Variants in FHIP1A observed in about 807,000 individuals in gnomAD.
FHIP1A encodes FHF complex subunit HOOK-interacting protein 1A.
A neutral mutation model predicts 88.6 loss-of-function variants in FHIP1A; 61 were observed. The observed-to-expected ratio is 0.69, with a 90% CI of 0.56 to 0.85. The LOEUF (loss-of-function observed/expected upper bound fraction) is 0.85. Ranked by LOEUF, FHIP1A falls within the 40% of genes least tolerant of loss-of-function variation. FHIP1A has a pLI of 0.00. For synonymous variants in FHIP1A, 478 were observed against 496.0 expected (o/e 0.96, Z 0.48); for missense variants, 1,154 against 1,273.5 (o/e 0.91, Z 1.43).
Position 151,644,767 on chromosome 4 carries a change from C to G in FHIP1A, c.1227-1791C>G, listed in dbSNP as rs534736848. Among the ~76,000 whole-genome samples the G allele has an allele frequency of 2.5e-3, 382 of 152,282 alleles. 1 individual carries two copies. The highest frequency in any genetic ancestry group is 2.7e-3 in the Non-Finnish European group (183 of 68,010). On this transcript the variant is annotated intron_variant, in intron 9 of 13. Transcript: ENST00000435205. ...ATCCCTTTTGTTGCTGCTGCCTTCC[C>G]TTCCCACCCCTCAACCTGCTGCCCC...
At chr4:151,440,348 T>G (rs974255667) in intron 1 of FHIP1A, among the ~76,000 whole-genome samples, 1 of 152,204 alleles carries the variant, frequency 6.6e-6, no homozygotes, top group African/African-American at 2.4e-5. Flanking sequence ...GTCTTTGTCT[T>G]TTTTGTTCAG....
At chr4:151,526,820 G>A (rs62329069) in intron 3 of FHIP1A, among the ~76,000 whole-genome samples, 73,944 of 148,670 alleles carry the variant, frequency 0.5, 18,521 homozygotes, top group Non-Finnish European at 0.55. Context: ...GGCGGTTGCC[G>A]GGCAGAGGGT....
At chr4:151,493,088 A>G (rs1730342634) in intron 3 of FHIP1A, among the ~76,000 whole-genome samples, 1 of 152,220 alleles carries the variant, frequency 6.6e-6, no homozygotes, top group South Asian at 2.1e-4. Flanking sequence ...CATTAGATTA[A>G]CCAAGAAAAG....
chr4:151,649,395 A>AC, intron 10 of FHIP1A, 64 bp from the exon 11 acceptor site: 2 of 1,244,602 alleles, frequency 1.6e-6, no homozygotes, highest in Non-Finnish European at 2.2e-6. Context: ...ATGGGTCACA[A>AC]CCCCATCCAC....
At chr4:151,572,519 C>G (rs1002652403) in intron 4 of FHIP1A, among the ~76,000 whole-genome samples, 2 of 152,116 alleles carry the variant, frequency 1.3e-5, no homozygotes, top group Non-Finnish European at 2.9e-5. Flanking sequence ...AACAGATGCA[C>G]AAGGAACACT....
intron 8 of FHIP1A, among the ~76,000 whole-genome samples, chr4:151,632,728 C>G (rs1033335493): frequency 1.3e-5 from 2 of 151,942 alleles, no homozygotes; most frequent in African/African-American, 4.8e-5. Context: ...ACAACACATT[C>G]TTGGGCCAAA....
intron 3 of FHIP1A, among the ~76,000 whole-genome samples, chr4:151,509,770 T>TGA (rs1271194846): frequency 6.6e-6 from 1 of 151,496 alleles, no homozygotes; most frequent in African/African-American, 2.4e-5. Context: ...TGTGTGTGTG[T>TGA]GTGTGTGTGT....
intron 3 of FHIP1A, among the ~76,000 whole-genome samples, chr4:151,560,908 C>G (rs543731401): frequency 6.6e-6 from 1 of 152,138 alleles, no homozygotes; most frequent in East Asian, 1.9e-4. Context: ...TATAATTGAT[C>G]TACTTAGTTT....
chr4:151,517,203 C>CA (rs937785258), intron 3 of FHIP1A, among the ~76,000 whole-genome samples: 2 of 150,650 alleles, frequency 1.3e-5, no homozygotes, highest in African/African-American at 2.5e-5. Context: ...ATCGCAAGAA[C>CA]AAAAAACCAA....
intron 1 of FHIP1A, among the ~76,000 whole-genome samples, chr4:151,450,626 TC>T (rs1310987197): frequency 2.1e-4 from 32 of 152,222 alleles, no homozygotes; most frequent in African/African-American, 7.7e-4. Context: ...AGGCCAATAC[TC>T]TGATAGGCCA....
chr4:151,562,476 A>G (rs1417695721), intron 3 of FHIP1A, among the ~76,000 whole-genome samples: 3 of 152,008 alleles, frequency 2.0e-5, no homozygotes, highest in African/African-American at 2.4e-5. Flanking sequence ...CAAATTATCC[A>G]TGTTCATTGG....
chr4:151,522,117 T>C (rs1160537114), intron 3 of FHIP1A, among the ~76,000 whole-genome samples: 1 of 152,190 alleles, frequency 6.6e-6, no homozygotes, highest in Non-Finnish European at 1.5e-5. Flanking sequence ...TAAGAATCTT[T>C]AGGCAGGCTG....
At chr4:151,627,616 A>T (rs1236248212) in intron 7 of FHIP1A, among the ~76,000 whole-genome samples, 1 of 152,212 alleles carries the variant, frequency 6.6e-6, no homozygotes, top group Non-Finnish European at 1.5e-5. Flanking sequence ...ATCATTTAGG[A>T]TTAAGTTTCT....
chr4:151,656,888 A>T lies in FHIP1A; in HGVS notation c.2859A>T (p.Ala953=). Reference sequence around the variant, plus strand: ...ACATGTCTGATATGACCCCTGCAGCACTAACCAAAGGTAAGCCAGGTTTCT... The same window carrying T: ...ACATGTCTGATATGACCCCTGCAGCTCTAACCAAAGGTAAGCCAGGTTTCT... The part of the protein sequence containing the change: ...RVDMSDMTPA[A]LTKDPIQEAS... The change falls in exon 13 of 14, where the codon GCA becomes GCT. Residue 953 remains alanine, a synonymous_variant. Coordinates refer to ENST00000435205, the MANE Select transcript of FHIP1A (RefSeq NM_001109977.3). This position sits in a 1 kb window ranked among gnomAD's most constrained non-coding sequence, Gnocchi z 4.2. The T allele has an allele frequency of 6.4e-7, 1 of 1,550,612 alleles. No individual in the cohort carries two copies. Among genetic ancestry groups the T allele is most frequent in the Non-Finnish European group, 8.7e-7 (1 of 1,146,518 alleles).
At position 151,577,491 on chromosome 4, in the gene FHIP1A, C is replaced by A. The variant is rs1406136460; in HGVS notation, c.147C>A (p.Thr49=). Residue 49 remains threonine (T), a synonymous_variant, in exon 5 of 14, where the codon ACC becomes ACA. Coordinates refer to ENST00000435205, the MANE Select transcript of FHIP1A (RefSeq NM_001109977.3). ...ILEKHDPLKN[T]QAKYGSIPPD... ...AGAAGCACGACCCCTTGAAGAACAC[C>A]CAGGCAAAATATGGGTCTATCCCTC... 1.3e-6 allele frequency: 2 copies of A among 1,546,982 alleles called. No homozygotes were observed.
At chr4:151,579,619 A>G (rs888843761) in intron 5 of FHIP1A, among the ~76,000 whole-genome samples, 3 of 152,206 alleles carry the variant, frequency 2.0e-5, no homozygotes, top group Non-Finnish European at 2.9e-5. Flanking sequence ...CAACATAATC[A>G]TAAGATATCT....
chr4:151,619,675 T>C (rs891489585), intron 7 of FHIP1A, among the ~76,000 whole-genome samples: 3 of 152,230 alleles, frequency 2.0e-5, no homozygotes, highest in Non-Finnish European at 4.4e-5. Context: ...ATTTGTTAAT[T>C]ATTTCATTCA....
rs1033271892 is a variant in FHIP1A at position 151,661,392 on chromosome 4, C to T, written c.2870-1109C>T. Among the ~76,000 whole-genome samples, 3 of 148,992 alleles carry T rather than the reference C, an allele frequency of 2.0e-5. 1 individual carries two copies. The highest frequency in any genetic ancestry group is 3.0e-5 in the Non-Finnish European group (2 of 67,570). The stretch of plus-strand genomic sequence containing the variant: ...CCTTAATCTAAAAGGATATTTAAAG[C>T]AGTCAAGTGGAAGTTGTTTTTTTTT... On this transcript the variant is annotated intron_variant, in intron 13 of 13. Coordinates refer to ENST00000435205, the MANE Select transcript of FHIP1A (RefSeq NM_001109977.3).
In FHIP1A at chr4:151,564,877, C is replaced by A. The variant is rs113673160; in HGVS notation, c.-122-1261C>A. ...AGACCTTTTCATGTCGAATGGTTGC[C>A]CTCCTACTAACAGAAGTGCTTGTTT... On this transcript the variant is annotated intron_variant, in intron 3 of 13. Coordinates refer to ENST00000435205, the MANE Select transcript of FHIP1A (RefSeq NM_001109977.3). Among the ~76,000 whole-genome samples, 436 of 152,204 alleles carry A rather than the reference C, an allele frequency of 2.9e-3. 2 individuals carry two copies. The highest frequency in any genetic ancestry group is 0.01 in the African/African-American group (423 of 41,534).
Sources: gnomAD v4.1 joint callset for allele counts (sites outside exome capture counted in the v4.1 genomes callset) on GRCh38, gnomAD v4.1.1 for gene constraint, Gnocchi (gnomAD v3.1) non-coding constraint, MANE v1.5 for transcripts, NCBI Gene and HGNC (gene_info 2026-07-23, HGNC 2026-07-21) for gene names.